The following FGD4 variants were observed in gnomAD, a reference collection of about 807,000 sequenced individuals.
The protein encoded by FGD4 is FYVE, RhoGEF and PH domain containing 4, also known as FYVE, RhoGEF and PH domain-containing protein 4.
In FGD4, 42 loss-of-function variants were observed where a neutral mutation model predicts 102.0. The ratio of observed to expected loss-of-function variants is 0.41; its 90% CI spans 0.32 to 0.53. The LOEUF is 0.53. Ranked by LOEUF, FGD4 falls within the 20% of genes least tolerant of loss-of-function variation. The pLI is 0.21. For missense variants in FGD4, 902 were observed against 1,078.2 expected (o/e 0.84, Z 2.29); for synonymous variants, 380 against 375.7 (o/e 1.01, Z -0.13).
At chr12:32,596,213 A>G (rs1386258273) in intron 4 of FGD4, among the ~76,000 whole-genome samples, 1 of 152,236 alleles carries the variant, frequency 6.6e-6, no homozygotes, top group African/African-American at 2.4e-5. Flanking sequence ...AATGCCTTCT[A>G]ATAGGACCAA....
intron 1 of FGD4, among the ~76,000 whole-genome samples, chr12:32,541,301 G>C (rs1021547236): frequency 2.6e-5 from 4 of 152,170 alleles, no homozygotes; most frequent in African/African-American, 4.8e-5. Flanking sequence ...TTTGCAGCAG[G>C]GAGTAAGGAA....
At chr12:32,520,440 G>GTTTGTT (rs1333873090) in intron 1 of FGD4, among the ~76,000 whole-genome samples, 1 of 134,112 alleles carries the variant, frequency 7.5e-6, no homozygotes, top group Non-Finnish European at 1.6e-5. Flanking sequence ...TTTGTTTTTT[G>GTTTGTT]TTTTTTTTTT....
chr12:32,511,965 T>G (rs1939418034), intron 1 of FGD4: 1 of 152,146 alleles, frequency 6.6e-6, no homozygotes, highest in African/African-American at 2.4e-5. Context: ...AGCTGATTCT[T>G]CCCCCTATTT....
In FGD4 at chr12:32,544,191, C is replaced by T. The variant is rs544129400; in HGVS notation, c.167-19946C>T. 3.7e-4 allele frequency among the ~76,000 whole-genome samples: 56 copies of T among 151,692 alleles called. No homozygotes were observed. The highest frequency in any genetic ancestry group is 4.9e-4 in the Non-Finnish European group (33 of 67,894). On this transcript the variant is annotated intron_variant, in intron 1 of 16. Coordinates refer to ENST00000534526, the MANE Select transcript of FGD4 (RefSeq NM_001370298.3). This position sits in a 1 kb window ranked among gnomAD's most constrained non-coding sequence, Gnocchi z 4.1. ...CTGTAATCCCAGCACTTTGGGAGTC[C>T]GAGATGGGTGGATCTCCTGAGGTCA... is the stretch of plus-strand genomic sequence containing the variant.
At chr12:32,410,686 A>G (rs995568277) in intron 1 of FGD4, among the ~76,000 whole-genome samples, 6 of 152,072 alleles carry the variant, frequency 3.9e-5, no homozygotes, top group Admixed American at 3.9e-4. Context: ...GCACATGCAC[A>G]TCCGTTCATT....
At chr12:32,468,586 ATAT>A (rs1283394955) in intron 1 of FGD4, among the ~76,000 whole-genome samples, 4 of 152,008 alleles carry the variant, frequency 2.6e-5, no homozygotes, top group African/African-American at 9.7e-5. Flanking sequence ...TGTTAAAAAG[ATAT>A]TATAGGCCTG....
chr12:32,587,377 T>C (rs1947134238), intron 4 of FGD4, among the ~76,000 whole-genome samples: 1 of 77,216 alleles, frequency 1.3e-5, no homozygotes, highest in Non-Finnish European at 3.1e-5. Context: ...TTATTCTGTA[T>C]TTATTTATTT....
At chr12:32,485,841 G>A (rs1943880970) in intron 1 of FGD4, 14 of 1,199,668 alleles carry the variant, frequency 1.2e-5, no homozygotes, top group Non-Finnish European at 1.3e-5. Context: ...TCCACCCCCG[G>A]TATTCTAGAG....
intron 4 of FGD4, among the ~76,000 whole-genome samples, chr12:32,589,102 T>A (rs1947272484): frequency 6.6e-6 from 1 of 152,220 alleles, no homozygotes; most frequent in Non-Finnish European, 1.5e-5. Context: ...CATATCTACC[T>A]TGTAACATTA....
At chr12:32,612,570 A>G (rs1949210464) in intron 10 of FGD4, among the ~76,000 whole-genome samples, 1 of 152,206 alleles carries the variant, frequency 6.6e-6, no homozygotes, top group African/African-American at 2.4e-5. Flanking sequence ...CACGTGGGAT[A>G]TGATACTTTC....
At chr12:32,416,225 C>G (rs1308164040) in intron 1 of FGD4, among the ~76,000 whole-genome samples, 1 of 152,182 alleles carries the variant, frequency 6.6e-6, no homozygotes, top group African/African-American at 2.4e-5. Flanking sequence ...GTCTTGAACT[C>G]CCGTGCTCAA....
intron 5 of FGD4, among the ~76,000 whole-genome samples, chr12:32,600,022 C>T (rs1948264475): frequency 6.6e-6 from 1 of 152,180 alleles, no homozygotes; most frequent in Admixed American, 6.5e-5. Context: ...CTGTGCATAC[C>T]TCCTTATCAT....
intron 14 of FGD4, among the ~76,000 whole-genome samples, chr12:32,627,091 G>A (rs184445198): frequency 2.7e-3 from 409 of 151,554 alleles, no homozygotes; most frequent in Non-Finnish European, 4.6e-3. Flanking sequence ...CAGGTGATCC[G>A]CCCGCCTCGG....
chr12:32,446,207 T>C (rs1942610301), intron 1 of FGD4, among the ~76,000 whole-genome samples: 1 of 152,206 alleles, frequency 6.6e-6, no homozygotes, highest in Admixed American at 6.5e-5. Flanking sequence ...GAAACATGCC[T>C]GTGGGCTAGT....
intron 10 of FGD4, among the ~76,000 whole-genome samples, chr12:32,616,002 G>A (rs1949430768): frequency 6.6e-6 from 1 of 152,120 alleles, no homozygotes; most frequent in African/African-American, 2.4e-5. Flanking sequence ...AGTCCTGTCA[G>A]TGTCAACAAG....
chr12:32,538,501 T>C (rs1942504016), intron 1 of FGD4, among the ~76,000 whole-genome samples: 1 of 152,182 alleles, frequency 6.6e-6, no homozygotes, highest in Non-Finnish European at 1.5e-5. Context: ...TTGAGCAGCA[T>C]GTCAATAATG....
rs368707492 is a variant in FGD4, at chr12:32,619,579, C to T, written c.1750-119C>T. ...CCCGGGAGGCAGAGCTTACAATGAGCCAAGGTCACACTATTACACTCCAGC... is the reference window on the plus strand; with the variant it reads ...CCCGGGAGGCAGAGCTTACAATGAGTCAAGGTCACACTATTACACTCCAGC... On this transcript the variant is annotated intron_variant, in intron 10 of 16. Transcript: ENST00000534526. The T allele has an allele frequency of 2.8e-5, 32 of 1,159,144 alleles. 2 individuals are homozygous for T. The highest frequency in any genetic ancestry group is 7.7e-5 in the Admixed American group (4 of 51,898). The allele number at this position is 1,159,144 out of a possible 1,614,324, so 71.8% of individuals were successfully genotyped here.
intron 1 of FGD4, among the ~76,000 whole-genome samples, chr12:32,550,686 A>AG (rs918901946): frequency 6.6e-6 from 1 of 151,248 alleles, no homozygotes; most frequent in Non-Finnish European, 1.5e-5. Flanking sequence ...AAAAAAAAAA[A>AG]AAAAAGAAAG....
chr12:32,430,771 C>T (rs1217511421), intron 1 of FGD4, among the ~76,000 whole-genome samples: 2 of 152,178 alleles, frequency 1.3e-5, no homozygotes, highest in African/African-American at 4.8e-5. Flanking sequence ...AGAGTATTCA[C>T]ACCCAGAGAT....
Sources: allele counts gnomAD v4.1 joint callset (sites outside exome capture counted in the v4.1 genomes callset), GRCh38; gene constraint gnomAD v4.1.1; non-coding constraint Gnocchi (gnomAD v3.1); transcripts MANE v1.5; gene names NCBI Gene and HGNC (gene_info 2026-07-23, HGNC 2026-07-21).